The following KIF13A variants were observed in gnomAD, a reference collection of about 807,000 sequenced individuals.
KIF13A encodes the protein kinesin-like protein KIF13A.
A neutral mutation model predicts 212.2 loss-of-function variants in KIF13A; 79 were observed. The ratio of observed to expected loss-of-function variants is 0.37; its 90% confidence interval spans 0.31 to 0.45. The LOEUF is 0.45. KIF13A is among the 20% of genes least tolerant of loss of function. The pLI is 1.00. For synonymous variants in KIF13A, 789 were observed against 808.6 expected (o/e 0.98, Z 0.41); for missense variants, 1,901 against 2,209.0 (o/e 0.86, Z 2.79).
At position 17,794,045 on chromosome 6, in the gene KIF13A, T is replaced by A. The variant is rs1761830963; in HGVS notation, c.3222+204A>T. Among the ~76,000 whole-genome samples the A allele has an allele frequency of 6.6e-6, 1 of 152,208 alleles. No homozygotes were observed. Among genetic ancestry groups the A allele is most frequent in the Non-Finnish European group, 1.5e-5 (1 of 68,038 alleles). ...GTTAATGACTACTATAGCATTAGGA[T>A]GCGTGTGTTTATAAATAAAATTATT... On this transcript the variant is annotated intron_variant, in intron 25 of 38. Transcript: ENST00000259711. The surrounding 1 kb of genome is among the most constrained non-coding windows in gnomAD (Gnocchi z 4.1).
chr6:17,796,106 G>A (rs752866902), intron 23 of KIF13A, among the ~76,000 whole-genome samples: 9 of 151,326 alleles, frequency 5.9e-5, no homozygotes, highest in South Asian at 4.2e-4. Context: ...TTTTACAAAC[G>A]AGGAAATAGG....
intron 17 of KIF13A, among the ~76,000 whole-genome samples, chr6:17,813,767 C>T (rs1763650364): frequency 1.3e-5 from 2 of 151,968 alleles, no homozygotes; most frequent in South Asian, 4.2e-4. Context: ...GTCAGAATGC[C>T]ACGGCTCTGA....
intron 17 of KIF13A, chr6:17,812,125 A>G (rs1334733815): frequency 6.6e-6 from 1 of 152,194 alleles, no homozygotes; most frequent in Admixed American, 6.5e-5. Flanking sequence ...TAACTGAAAA[A>G]CACTATGGTT....
At chr6:17,848,558 C>CTTTTTTTTTTTTTTTTTTTTTT (rs66477046) in intron 9 of KIF13A, among the ~76,000 whole-genome samples, 1 of 68,856 alleles carries the variant, frequency 1.5e-5, no homozygotes, top group African/African-American at 5.5e-5. Flanking sequence ...ACTCGTACAT[C>CTTTTTTTTTTTTTTTTTTTTTT]TTTTTTTTTT....
intron 3 of KIF13A, among the ~76,000 whole-genome samples, chr6:17,879,492 C>G (rs7751385): frequency 0.017 from 2,661 of 152,244 alleles, 87 homozygotes; most frequent in African/African-American, 0.06. Context: ...TTTGGGGGAA[C>G]TTGATTCCTG....
downstream of KIF13A, chr6:17,759,484 A>C (rs1039734963): frequency 6.6e-6 from 1 of 152,218 alleles, no homozygotes; most frequent in Non-Finnish European, 1.5e-5. Flanking sequence ...ATTTAAAAGA[A>C]AAAAGGTACA....
At position 17,982,660 on chromosome 6, in the gene KIF13A, G is replaced by A. The variant is rs966930513; in HGVS notation, c.146+4394C>T. On this transcript the variant is annotated intron_variant, in intron 2 of 38. Transcript: ENST00000259711. This position sits in a 1 kb window ranked among gnomAD's most constrained non-coding sequence, Gnocchi z 5.1. ...GTAGGTTAGATATGCACTTTATTTT[G>A]GAGTCTTACCTTACAATTCACTTAC... Among the ~76,000 whole-genome samples, 1 of 151,710 alleles carries A rather than the reference G, an allele frequency of 6.6e-6. No homozygotes were observed. The highest frequency in any genetic ancestry group is 1.5e-5 in the Non-Finnish European group (1 of 67,956).
intron 4 of KIF13A, among the ~76,000 whole-genome samples, chr6:17,868,271 CAA>C (rs781396266): frequency 3.3e-5 from 5 of 152,054 alleles, no homozygotes; most frequent in Non-Finnish European, 7.4e-5. Flanking sequence ...AAATAAAAAC[CAA>C]AGTTACTGGA....
intron 20 of KIF13A, among the ~76,000 whole-genome samples, chr6:17,803,907 C>A (rs1349526095): frequency 2.0e-5 from 3 of 152,200 alleles, no homozygotes; most frequent in Admixed American, 6.5e-5. Flanking sequence ...AATCCCAGCA[C>A]TTTGGGAAGC....
intron 2 of KIF13A, among the ~76,000 whole-genome samples, chr6:17,970,339 T>C (rs1331337201): frequency 6.7e-6 from 1 of 148,782 alleles, no homozygotes; most frequent in East Asian, 2.0e-4. Flanking sequence ...TGGTGACTCA[T>C]GCCTGTAATC....
At chr6:17,950,130 A>G (rs548308618) in intron 2 of KIF13A, among the ~76,000 whole-genome samples, 2 of 152,302 alleles carry the variant, frequency 1.3e-5, no homozygotes, top group South Asian at 4.1e-4. Context: ...ATACTGCTCT[A>G]ATTGTTTAAC....
intron 2 of KIF13A, among the ~76,000 whole-genome samples, chr6:17,966,093 T>C (rs1035092357): frequency 8.5e-5 from 13 of 152,126 alleles, no homozygotes; most frequent in African/African-American, 2.7e-4. Flanking sequence ...AGTGAGGAGG[T>C]TGAGGCATGA....
At chr6:17,846,041 CTTTTTT>C (rs34232861) in intron 9 of KIF13A, among the ~76,000 whole-genome samples, 2 of 83,264 alleles carry the variant, frequency 2.4e-5, no homozygotes, top group African/African-American at 1.1e-4. Context: ...GGAACTCAAC[CTTTTTT>C]TTTTTTTTTT....
chr6:17,950,552 T>C (rs1007723808), intron 2 of KIF13A: 1 of 985,308 alleles, frequency 1.0e-6, no homozygotes, highest in Non-Finnish European at 1.2e-6. Context: ...TTATACCCCA[T>C]TTGTTGGATG....
In KIF13A at chr6:17,947,223, A is replaced by G. The variant is rs945387962; in HGVS notation, c.146+39831T>C. ...ATGGGAAGGAGTGGAAATGGGAATA[A>G]GTGATATAAGAGACAAAAAAGTACA... On this transcript the variant is annotated intron_variant, in intron 2 of 38. Transcript: ENST00000259711. The surrounding 1 kb of genome is among the most constrained non-coding windows in gnomAD (Gnocchi z 4.6). Among the ~76,000 whole-genome samples, 6 of 152,200 alleles carry G rather than the reference A, an allele frequency of 3.9e-5. No homozygotes were observed. Among genetic ancestry groups the G allele is most frequent in the African/African-American group, 1.2e-4 (5 of 41,450 alleles).
rs1237147161 is a variant in KIF13A, at chr6:17,771,290, G to A, written c.4477-72C>T. The A allele has an allele frequency of 6.3e-6, 6 of 949,840 alleles. No homozygotes were observed. Among genetic ancestry groups the A allele is most frequent in the Non-Finnish European group, 8.3e-6 (5 of 603,056 alleles). The allele number at this position is 949,840 out of a possible 1,614,324, so 58.8% of individuals were successfully genotyped here. A position where few individuals can be genotyped will look rare whatever the true frequency, so the allele number is the denominator to read the frequency against. The stretch of plus-strand genomic sequence containing the variant: ...CGGCCAAAATACATATTAAGTACAT[G>A]CAAGTTAGAAAAGCAATGCTAACAC... On this transcript the variant is annotated intron_variant, in intron 37 of 38. Transcript: ENST00000259711. The surrounding 1 kb of genome is among the most constrained non-coding windows in gnomAD (Gnocchi z 5.4).
rs1375670576 is a variant in KIF13A, at chr6:17,971,878, C to A, written c.146+15176G>T. 3.9e-5 allele frequency among the ~76,000 whole-genome samples: 6 copies of A among 151,932 alleles called. No homozygotes were observed. The highest frequency in any genetic ancestry group is 1.9e-4 in the East Asian group (1 of 5,186). On this transcript the variant is annotated intron_variant, in intron 2 of 38. Coordinates refer to ENST00000259711, the MANE Select transcript of KIF13A (RefSeq NM_022113.6). The surrounding 1 kb of genome is among the most constrained non-coding windows in gnomAD (Gnocchi z 4.2). ...ACAGTCACTCTTGGAGGGAAAAAAA[C>A]CAAAACTAGTTAAATAATAATCTAG...
intron 33 of KIF13A, 24 bp downstream of exon 33, chr6:17,778,923 C>T (rs756200017): frequency 7.5e-5 from 116 of 1,556,648 alleles, no homozygotes; most frequent in Middle Eastern, 1.7e-4. Flanking sequence ...CTTTCATCCT[C>T]GGTCCAGATA....
intron 20 of KIF13A, among the ~76,000 whole-genome samples, chr6:17,802,384 C>T (rs1448148558): frequency 2.0e-5 from 3 of 151,570 alleles, no homozygotes; most frequent in African/African-American, 7.3e-5. Flanking sequence ...CTCCGCCTCC[C>T]GGGTTCAAGC....
Sources: gnomAD v4.1 joint callset for allele counts (sites outside exome capture counted in the v4.1 genomes callset) on GRCh38, gnomAD v4.1.1 for gene constraint, Gnocchi (gnomAD v3.1) non-coding constraint, MANE v1.5 for transcripts, NCBI Gene and HGNC (gene_info 2026-07-23, HGNC 2026-07-21) for gene names.